IGFBP4: variants seen among roughly 807,000 people sequenced by gnomAD.
IGFBP4 encodes the protein insulin-like growth factor-binding protein 4.
Under a neutral mutation model 25.8 loss-of-function variants are expected in IGFBP4, and 9 were observed. The ratio of observed to expected loss-of-function variants is 0.35; its 90% CI spans 0.21 to 0.61. The LOEUF (loss-of-function observed/expected upper bound fraction) is 0.61, where lower values mean the gene tolerates loss of function less well. IGFBP4 is among the 20% of genes least tolerant of loss of function. The probability of loss-of-function intolerance (pLI) is 0.77; values close to 1 mark genes in which losing one functional copy is unlikely to be tolerated. For missense variants in IGFBP4, 315 were observed against 365.3 expected, an observed-to-expected ratio of 0.86 and a Z score of 1.12; for synonymous variants, 153 against 153.9, an observed-to-expected ratio of 0.99 and a Z score of 0.05.
chr17:40,453,917 C>T lies in IGFBP4; in HGVS notation c.508-11C>T. 8 of 1,596,198 alleles carry T rather than the reference C, an allele frequency of 5.0e-6. No individual in the cohort carries two copies. Among genetic ancestry groups the T allele is most frequent in the Non-Finnish European group, 6.8e-6 (8 of 1,172,278 alleles). On this transcript the variant is annotated splice_polypyrimidine_tract_variant and intron_variant, in intron 2 of 3. Coordinates refer to ENST00000269593, the MANE Select transcript of IGFBP4 (RefSeq NM_001552.3). The surrounding 1 kb of genome is among the most constrained non-coding windows in gnomAD (Gnocchi z 4.0). ...CCTTCTGCTGAGCAATTTTGTCTTCCCCTCCTCCAGCCCCAGGGCTCCTGC... is the reference window on the plus strand; with the variant it reads ...CCTTCTGCTGAGCAATTTTGTCTTCTCCTCCTCCAGCCCCAGGGCTCCTGC...
At chr17:40,444,932 CAGAGAGAGAGAGAGAGAG>C (rs10603634) in intron 1 of IGFBP4, among the ~76,000 whole-genome samples, 39 of 75,402 alleles carry the variant, frequency 5.2e-4, no homozygotes, top group African/African-American at 1.4e-3. Context: ...CACACAGAGA[CAGAGAGAGAGAGAGAGAG>C]AGAGAGAGAG....
intron 1 of IGFBP4, among the ~76,000 whole-genome samples, chr17:40,448,501 G>A (rs1164672831): frequency 3.3e-5 from 5 of 152,220 alleles, no homozygotes; most frequent in Non-Finnish European, 7.3e-5. Flanking sequence ...ACTTTTCAGG[G>A]GAATAGGTCT....
At position 40,454,001 on chromosome 17, in the gene IGFBP4, A is replaced by C. The variant is rs2035701171; in HGVS notation, c.581A>C (p.Glu194Ala). The change falls in exon 3 of 4, where the codon GAG (glutamate) becomes GCG (alanine). Residue 194 changes from glutamate to alanine, a missense_variant. Glu to Ala is a moderately radical substitution (Grantham distance 107). Coordinates refer to ENST00000269593, the MANE Select transcript of IGFBP4 (RefSeq NM_001552.3). ...GCCGCTTCACAGAGCCGCACCCACGAGGACCTCTACATCATCCCCATCCCC... is the reference window on the plus strand; with the variant it reads ...GCCGCTTCACAGAGCCGCACCCACGCGGACCTCTACATCATCCCCATCCCC... ...RLAASQSRTH[E>A]DLYIIPIPNC... The C allele has an allele frequency of 1.9e-6, 3 of 1,613,682 alleles. No homozygotes were observed. Among genetic ancestry groups the C allele is most frequent in the Non-Finnish European group, 2.5e-6 (3 of 1,179,874 alleles).
At chr17:40,456,393 A>C in intron 3 of IGFBP4, 56 bp from the exon 4 acceptor site, 1 of 1,604,810 alleles carries the variant, frequency 6.2e-7, no homozygotes, top group Non-Finnish European at 8.5e-7. Context: ...GGGGTGGGTC[A>C]CTTGGGGTCT....
At chr17:40,446,617 AG>A (rs1436790010) in intron 1 of IGFBP4, among the ~76,000 whole-genome samples, 8 of 152,164 alleles carry the variant, frequency 5.3e-5, no homozygotes, top group Admixed American at 3.3e-4. Context: ...CTCTGTCTAA[AG>A]AAAACAAAAC....
At chr17:40,455,947 TTTAG>T (rs1337533148) in intron 3 of IGFBP4, among the ~76,000 whole-genome samples, 5 of 152,224 alleles carry the variant, frequency 3.3e-5, no homozygotes, top group African/African-American at 1.2e-4. Context: ...TTAGCTTAAC[TTTAG>T]TTATTCTGAC....
chr17:40,446,812 G>A (rs959057570), intron 1 of IGFBP4, among the ~76,000 whole-genome samples: 3 of 152,094 alleles, frequency 2.0e-5, no homozygotes, highest in Admixed American at 1.3e-4. Flanking sequence ...GGTACCTACT[G>A]AGCAAGCTAT....
At chr17:40,455,127 TTTTTTAGAGTAG>T (rs2035707101) in intron 3 of IGFBP4, among the ~76,000 whole-genome samples, 1 of 152,188 alleles carries the variant, frequency 6.6e-6, no homozygotes, top group Non-Finnish European at 1.5e-5. Flanking sequence ...AATAGCTTTA[TTTTTTAGAGTAG>T]TTTTAGGTTT....
intron 3 of IGFBP4, among the ~76,000 whole-genome samples, chr17:40,455,103 T>A (rs1433718995): frequency 5.3e-5 from 8 of 151,830 alleles, no homozygotes; most frequent in East Asian, 1.9e-4. Flanking sequence ...TCTCTTAATT[T>A]AAAAAAAACA....
chr17:40,456,264 A>T (rs573190996), intron 3 of IGFBP4, among the ~76,000 whole-genome samples, 185 bp from the exon 4 acceptor site: 1 of 151,786 alleles, frequency 6.6e-6, no homozygotes, highest in Admixed American at 6.6e-5. Flanking sequence ...TTCCTTCTTG[A>T]CCATGTTCTC....
chr17:40,443,743 C>G lies in IGFBP4; in HGVS notation c.8C>G (p.Pro3Arg), dbSNP rs924193450. The G allele has an allele frequency of 2.7e-6, 4 of 1,470,056 alleles. No homozygotes were observed. The highest frequency in any genetic ancestry group is 3.0e-5 in the African/African-American group (2 of 67,224). The allele number at this position is 1,470,056 out of a possible 1,614,324, so 91.1% of individuals were successfully genotyped here. ML[P>R]LCLVAALLLA... ...CCCAGTCCTCGGGCGGTCATGCTGC[C>G]CCTCTGCCTCGTGGCCGCCCTGCTG... Residue 3 changes from proline to arginine, a missense_variant, in exon 1 of 4, where the codon CCC becomes CGC. Physicochemically the swap from Pro to Arg is moderately radical, Grantham distance 103. Transcript: ENST00000269593.
In IGFBP4 at chr17:40,453,049, C is replaced by T. The variant is rs1200296436; in HGVS notation, c.414C>T (p.Cys138=). ...CCTGTAGCGCCCATGACCGCAGGTG[C>T]CTGCAGAAGCACTTCGCCAAAATTC... is the stretch of plus-strand genomic sequence containing the variant. ...FSPCSAHDRR[C]LQKHFAKIRD... is the part of the protein sequence containing the mutation. The change falls in exon 2 of 4, where the codon TGC becomes TGT. Residue 138 remains cysteine (C), a synonymous_variant. Coordinates refer to ENST00000269593, the MANE Select transcript of IGFBP4 (RefSeq NM_001552.3). The surrounding 1 kb of genome is among the most constrained non-coding windows in gnomAD (Gnocchi z 4.0). 1 of 1,599,976 alleles carries T rather than the reference C, an allele frequency of 6.3e-7. No individual in the cohort carries two copies. Among genetic ancestry groups the T allele is most frequent in the South Asian group, 1.1e-5 (1 of 88,226 alleles).
At chr17:40,447,210 C>T (rs534964059) in intron 1 of IGFBP4, among the ~76,000 whole-genome samples, 13 of 152,322 alleles carry the variant, frequency 8.5e-5, no homozygotes, top group African/African-American at 2.2e-4. Flanking sequence ...CTCCCCTTTC[C>T]GTCTCCAGCC....
chr17:40,450,530 T>C (rs1178812819), intron 1 of IGFBP4, among the ~76,000 whole-genome samples: 1 of 151,674 alleles, frequency 6.6e-6, no homozygotes, highest in African/African-American at 2.4e-5. Flanking sequence ...TTTTTTTTTG[T>C]TTTTTTGTTT....
Position 40,444,005 on chromosome 17 carries a change from GCA to G in IGFBP4, c.276_277del (p.Leu93AspfsTer24). On this transcript the variant is annotated frameshift_variant, in exon 1 of 4. Coordinates refer to ENST00000269593, the MANE Select transcript of IGFBP4 (RefSeq NM_001552.3). LOFTEE classifies it high-confidence loss of function. ...CGCCCCGAGGGGTGGAGAAGCCCCT[GCA>G]CACACTGATGCACGGGCAAGGCGTG... ...YPPRGVEKPLHTLMHGQGVCM... is the reference protein window; with the variant it reads ...YPPRGVEKPLXTLMHGQGVCM... 1 of 1,536,488 alleles carries G rather than the reference GCA, an allele frequency of 6.5e-7. No individual in the cohort carries two copies. Among genetic ancestry groups the G allele is most frequent in the Non-Finnish European group, 8.7e-7 (1 of 1,146,914 alleles).
At chr17:40,449,219 C>G (rs948309742) in intron 1 of IGFBP4, among the ~76,000 whole-genome samples, 3 of 152,190 alleles carry the variant, frequency 2.0e-5, no homozygotes, top group Non-Finnish European at 4.4e-5. Flanking sequence ...TCACCCTGTG[C>G]CCCATGCAGC....
At chr17:40,449,167 T>C (rs1856134718) in intron 1 of IGFBP4, among the ~76,000 whole-genome samples, 1 of 152,162 alleles carries the variant, frequency 6.6e-6, no homozygotes, top group Non-Finnish European at 1.5e-5. Context: ...TGATGTGACA[T>C]GGGGCCATAC....
intron 1 of IGFBP4, among the ~76,000 whole-genome samples, chr17:40,448,374 A>G (rs575107135): frequency 1.3e-5 from 2 of 152,376 alleles, no homozygotes; most frequent in Admixed American, 1.3e-4. Context: ...TGCTGGAGCA[A>G]AGACCGAGGT....
intron 1 of IGFBP4, among the ~76,000 whole-genome samples, chr17:40,446,240 G>A (rs1045668863): frequency 2.7e-5 from 4 of 148,832 alleles, no homozygotes; most frequent in Non-Finnish European, 1.5e-5. Context: ...GGGAGTCTGA[G>A]ATGAGAAGTT....
Sources: gnomAD v4.1 joint callset for allele counts (sites outside exome capture counted in the v4.1 genomes callset) on GRCh38, gnomAD v4.1.1 for gene constraint, Gnocchi (gnomAD v3.1) non-coding constraint, MANE v1.5 for transcripts, NCBI Gene and HGNC (gene_info 2026-07-23, HGNC 2026-07-21) for gene names.